PLA2G10: variants seen among roughly 807,000 people sequenced by gnomAD.
The protein encoded by PLA2G10 is group 10 secretory phospholipase A2.
PLA2G10 carries 9 observed loss-of-function variants against 7.9 expected under a neutral mutation model. The observed-to-expected ratio is 1.14, with a 90% CI of 0.68 to 1.98. The LOEUF (loss-of-function observed/expected upper bound fraction) is 1.98. PLA2G10 is among the 30% of genes most tolerant of loss of function. The probability of loss-of-function intolerance (pLI) is 0.00; values close to 1 mark genes in which losing one functional copy is unlikely to be tolerated. For missense variants in PLA2G10, 53 were observed against 65.4 expected, an observed-to-expected ratio of 0.81 and a Z score of 0.66; for synonymous variants, 19 against 27.5, an observed-to-expected ratio of 0.69 and a Z score of 0.97.
chr16:14,678,769 A>G, intron 3 of PLA2G10: 1 of 359,614 alleles, frequency 2.8e-6, no homozygotes, highest in Non-Finnish European at 5.5e-6. Context: ...GACTGTCTCA[A>G]AAAAAAAAAA....
At position 14,672,789 on chromosome 16, in the gene PLA2G10, G is replaced by A. The variant is rs1040475197; in HGVS notation, c.356-40C>T. On this transcript the variant is annotated intron_variant, in intron 3 of 3. Coordinates refer to ENST00000438167, the MANE Select transcript of PLA2G10 (RefSeq NM_003561.3). ...GAAACTGAGATTAGAGCAGGGACCTGGAGAGACTCAAGGGAAACCAGTAAA... is the reference window on the plus strand; with the variant it reads ...GAAACTGAGATTAGAGCAGGGACCTAGAGAGACTCAAGGGAAACCAGTAAA... The A allele has an allele frequency of 3.1e-6, 5 of 1,604,892 alleles. No homozygotes were observed. In the East Asian group the frequency reaches 6.7e-5, roughly 21 times the overall value.
chr16:14,675,659 G>A (rs1960705521), intron 3 of PLA2G10, among the ~76,000 whole-genome samples: 1 of 152,078 alleles, frequency 6.6e-6, no homozygotes, highest in African/African-American at 2.4e-5. Context: ...GTGGGCACAT[G>A]GCCAGGCACG....
intron 3 of PLA2G10, among the ~76,000 whole-genome samples, chr16:14,673,058 C>T (rs183387177): frequency 7.1e-6 from 1 of 141,740 alleles, no homozygotes; most frequent in East Asian, 2.0e-4. Context: ...CTTGCTCTGT[C>T]GCCCAGGCTG....
intron 3 of PLA2G10, among the ~76,000 whole-genome samples, chr16:14,676,344 A>C (rs981694303): frequency 1.3e-5 from 2 of 152,236 alleles, no homozygotes; most frequent in Non-Finnish European, 2.9e-5. Flanking sequence ...AATTGCAAAG[A>C]TATAGAACCA....
chr16:14,681,980 C>T (rs1175580253), intron 3 of PLA2G10, among the ~76,000 whole-genome samples: 2 of 151,870 alleles, frequency 1.3e-5, no homozygotes, highest in African/African-American at 4.8e-5. Context: ...ACTTACTCTC[C>T]CTGAGCCTCA....
At chr16:14,681,452 A>G (rs1474510983) in intron 3 of PLA2G10, among the ~76,000 whole-genome samples, 1 of 151,980 alleles carries the variant, frequency 6.6e-6, no homozygotes, top group East Asian at 1.9e-4. Context: ...CTTGAGCAAC[A>G]AAGATTCCGC....
At chr16:14,684,563 G>A (rs1446521724) in intron 3 of PLA2G10, among the ~76,000 whole-genome samples, 1 of 152,152 alleles carries the variant, frequency 6.6e-6, no homozygotes, top group Admixed American at 6.5e-5. Flanking sequence ...CTACTCAGGA[G>A]GCTGAGGCAG....
At chr16:14,676,344 A>G (rs981694303) in intron 3 of PLA2G10, among the ~76,000 whole-genome samples, 1 of 152,236 alleles carries the variant, frequency 6.6e-6, no homozygotes, top group Admixed American at 6.5e-5. Flanking sequence ...AATTGCAAAG[A>G]TATAGAACCA....
intron 3 of PLA2G10, among the ~76,000 whole-genome samples, chr16:14,677,707 C>A (rs1051075689): frequency 6.6e-6 from 1 of 151,990 alleles, no homozygotes; most frequent in Non-Finnish European, 1.5e-5. Context: ...CTCAAGCAGG[C>A]ACTCCCCATG....
intron 3 of PLA2G10, among the ~76,000 whole-genome samples, chr16:14,677,001 G>A (rs1433150216): frequency 6.6e-6 from 1 of 151,986 alleles, no homozygotes; most frequent in Non-Finnish European, 1.5e-5. Flanking sequence ...CTATGTATTG[G>A]GTACAATGTA....
intron 3 of PLA2G10, among the ~76,000 whole-genome samples, chr16:14,686,863 T>A (rs1961084544): frequency 6.6e-6 from 1 of 152,118 alleles, no homozygotes; most frequent in African/African-American, 2.4e-5. Context: ...TCCAGCACTT[T>A]GAGAGGCTGA....
chr16:14,686,777 G>A (rs1024041046), intron 3 of PLA2G10, among the ~76,000 whole-genome samples: 1 of 152,126 alleles, frequency 6.6e-6, no homozygotes, highest in African/African-American at 2.4e-5. Context: ...CTATAGGCGT[G>A]AGCCACAGCA....
At chr16:14,687,222 T>A (rs2151855709) in intron 3 of PLA2G10, among the ~76,000 whole-genome samples, 1 of 152,118 alleles carries the variant, frequency 6.6e-6, no homozygotes, top group South Asian at 2.1e-4. Flanking sequence ...CTACAGTCCT[T>A]ATGTTATTGC....
intron 3 of PLA2G10, among the ~76,000 whole-genome samples, chr16:14,675,637 C>G (rs181326255): frequency 8.6e-5 from 13 of 152,046 alleles, no homozygotes; most frequent in Admixed American, 8.5e-4. Context: ...AAAGAAAAAA[C>G]CTCATCAAAA....
Position 14,672,742 on chromosome 16 carries a change from T to G in PLA2G10, c.363A>C (p.Ala121=), listed in dbSNP as rs1381342338. Reference sequence around the variant, plus strand: ...ACAACAGTTCTTGGCATTTGTTCTCTGCCGGTCCTGGAAGAAGTGGGGAAA... The same window carrying G: ...ACAACAGTTCTTGGCATTTGTTCTCGGCCGGTCCTGGAAGAAGTGGGGAAA... ...CVNQSVLCGP[A]ENKCQELLCK... The change falls in exon 4 of 4, where the codon GCA becomes GCC. Residue 121 remains alanine (A), a synonymous_variant. Transcript: ENST00000438167. 6.2e-7 allele frequency: 1 copy of G among 1,613,882 alleles called. No homozygotes were observed. The highest frequency in any genetic ancestry group is 1.7e-5 in the Admixed American group (1 of 59,986).
chr16:14,683,998 G>C (rs1273026803), intron 3 of PLA2G10, among the ~76,000 whole-genome samples: 2 of 152,120 alleles, frequency 1.3e-5, no homozygotes, highest in African/African-American at 4.8e-5. Flanking sequence ...CACTTTCAGA[G>C]GCAGACAGGC....
chr16:14,687,392 G>A (rs550002933), intron 3 of PLA2G10, among the ~76,000 whole-genome samples: 43 of 146,440 alleles, frequency 2.9e-4, no homozygotes, highest in African/African-American at 8.3e-4. Flanking sequence ...GCTGTGACTC[G>A]ATCACAGCTC....
chr16:14,678,506 C>G, intron 3 of PLA2G10: 1 of 237,258 alleles, frequency 4.2e-6, no homozygotes, highest in Non-Finnish European at 8.5e-6. Flanking sequence ...TGGTGGCTCA[C>G]GCCTGTAATC....
At chr16:14,672,815 G>A in intron 3 of PLA2G10, 66 bp from the exon 4 acceptor site, 2 of 1,494,956 alleles carry the variant, frequency 1.3e-6, no homozygotes, top group Non-Finnish European at 1.9e-6. Flanking sequence ...AACCAGTAAA[G>A]CAAGAGGCAG....
Sources: allele counts gnomAD v4.1 joint callset (sites outside exome capture counted in the v4.1 genomes callset), GRCh38; gene constraint gnomAD v4.1.1; transcripts MANE v1.5; gene names NCBI Gene and HGNC (gene_info 2026-07-23, HGNC 2026-07-21).